The following LIG3 variants were observed in gnomAD, a reference collection of about 807,000 sequenced individuals.
LIG3 encodes the protein ligase II, DNA, ATP-dependent.
In LIG3, 58 loss-of-function variants were observed where a neutral mutation model predicts 110.9. The observed-to-expected ratio is 0.52, with a 90% CI of 0.42 to 0.65. LIG3 has a LOEUF of 0.65. Among genes scored for constraint, LIG3 ranks in the 30% least tolerant of loss-of-function variants. The pLI is 0.00. For missense variants in LIG3, 1,094 were observed against 1,273.8 expected, an observed-to-expected ratio of 0.86 and a Z score of 2.15; for synonymous variants, 422 against 472.8, an observed-to-expected ratio of 0.89 and a Z score of 1.39.
Position 34,997,749 on chromosome 17 carries a change from A to T in LIG3, c.1835A>T (p.Glu612Val), listed in dbSNP as rs201705066. The change falls in exon 12 of 20, where the codon GAG becomes GTG. Residue 612 changes from glutamate to valine, a missense_variant. By Grantham distance (121) the Glu-to-Val change is moderately radical. Transcript: ENST00000378526. The part of the protein sequence containing the change: ...DVSLMDRPLC[E>V]RRKFLHDNMV... ...CCTGTTCTCCTCAGACCTCTGTGTG[A>T]GCGGCGGAAGTTTCTTCATGACAAC... is the stretch of plus-strand genomic sequence containing the variant. 211 of 1,613,782 alleles carry T rather than the reference A, an allele frequency of 1.3e-4. No homozygotes were observed. The highest frequency in any genetic ancestry group is 1.6e-4 in the Non-Finnish European group (191 of 1,179,806).
chr17:34,987,811 C>A (rs1374441699), intron 3 of LIG3, among the ~76,000 whole-genome samples: 1 of 152,292 alleles, frequency 6.6e-6, no homozygotes, highest in Admixed American at 6.5e-5. Context: ...CATCATATCT[C>A]CATGCCTCAT....
chr17:34,982,855 G>A (rs2090613126), intron 1 of LIG3, 147 bp from the exon 2 acceptor site: 6 of 589,752 alleles, frequency 1.0e-5, no homozygotes, highest in Non-Finnish European at 1.7e-5. Context: ...CTTTCATGCT[G>A]TAGAGTAGAC....
Position 35,005,967 on chromosome 17 carries a change from T to C in LIG3, c.*1461T>C, listed in dbSNP as rs2090892863. The C allele has an allele frequency of 1.4e-5, 4 of 285,634 alleles. No individual in the cohort carries two copies. The highest frequency in any genetic ancestry group is 7.0e-5 in the South Asian group (2 of 28,498). The allele number at this position is 285,634 out of a possible 1,614,324, so 17.7% of individuals were successfully genotyped here. On this transcript the variant is annotated 3_prime_UTR_variant, in exon 20 of 20. Transcript: ENST00000378526. ...TATTTTTTTTTTTCCTGCTGACCTA[T>C]TGATAATACCAACAATGTTGAGTGG...
chr17:35,000,767 C>A (rs535720602), intron 16 of LIG3, among the ~76,000 whole-genome samples: 1 of 151,544 alleles, frequency 6.6e-6, no homozygotes, highest in African/African-American at 2.4e-5. Flanking sequence ...AGGGGTGCCA[C>A]CACCCCCAGC....
At position 34,986,117 on chromosome 17, in the gene LIG3, T is replaced by A; in HGVS notation, c.677T>A (p.Phe226Tyr). Reference protein sequence around the residue: ...SFVTSTNPRKFSGFSAKPNNS... With the variant: ...SFVTSTNPRKYSGFSAKPNNS... The stretch of plus-strand genomic sequence containing the variant: ...GTCACCAGTACCAATCCCCGGAAAT[T>A]TTCTGGCTTTTCAGGTAAGATAGGT... Residue 226 changes from phenylalanine to tyrosine, a missense_variant, in exon 3 of 20, where the codon TTT (phenylalanine) becomes TAT (tyrosine). Phe to Tyr is a conservative substitution (Grantham distance 22). Transcript: ENST00000378526. 6.2e-7 allele frequency: 1 copy of A among 1,614,028 alleles called. No individual in the cohort carries two copies. The highest frequency in any genetic ancestry group is 1.1e-5 in the South Asian group (1 of 91,072).
rs1175189869 is a variant in LIG3, at chr17:34,983,326, A to G, written c.321A>G (p.Lys107=). 1.2e-6 allele frequency: 2 copies of G among 1,614,140 alleles called. No individual in the cohort carries two copies. Among genetic ancestry groups the G allele is most frequent in the South Asian group, 1.1e-5 (1 of 91,094 alleles). The part of the protein sequence containing the change: ...YAKRGTAGCK[K]CKEKIVKGVC... ...AGCGTGGCACAGCTGGCTGCAAAAA[A>G]TGCAAGGAAAAGATTGTGAAGGGCG... Residue 107 remains lysine, a synonymous_variant, in exon 2 of 20, where the codon AAA becomes AAG. Transcript: ENST00000378526.
intron 3 of LIG3, among the ~76,000 whole-genome samples, chr17:34,986,785 G>C (rs906916562): frequency 4.6e-5 from 7 of 152,178 alleles, no homozygotes; most frequent in African/African-American, 1.7e-4. Context: ...AAAGAATTTT[G>C]AGAAATTGTT....
intron 3 of LIG3, among the ~76,000 whole-genome samples, chr17:34,988,381 T>C (rs1455323559): frequency 2.6e-5 from 4 of 152,182 alleles, no homozygotes; most frequent in African/African-American, 7.2e-5. Context: ...TGGTTGAACA[T>C]TGACACTTTG....
chr17:34,998,388 G>A, intron 13 of LIG3, 92 bp downstream of exon 13: 1 of 1,240,026 alleles, frequency 8.1e-7, no homozygotes, highest in Non-Finnish European at 1.1e-6. Flanking sequence ...GGCGGTGGCA[G>A]CCTGCAGTGG....
chr17:35,003,194 C>A (rs1189506469), intron 19 of LIG3: 2 of 1,494,426 alleles, frequency 1.3e-6, no homozygotes, highest in Non-Finnish European at 1.8e-6. Context: ...GTCCAGCAAG[C>A]AGCGAGTCGG....
chr17:34,988,190 CAAAAAAA>C (rs555462146), intron 3 of LIG3, among the ~76,000 whole-genome samples: 47 of 45,708 alleles, frequency 1.0e-3, no homozygotes, highest in Middle Eastern at 0.011. Flanking sequence ...GACTCTGTCT[CAAAAAAA>C]AAAAAAAAAA....
chr17:34,997,707 G>A (rs781300512), intron 11 of LIG3, 31 bp from the exon 12 acceptor site: 12 of 1,529,758 alleles, frequency 7.8e-6, no homozygotes, highest in Admixed American at 1.7e-5. Context: ...GGAGGATCCC[G>A]GCCTAACCTC....
chr17:34,989,358 G>T, intron 3 of LIG3, 108 bp from the exon 4 acceptor site: 1 of 985,130 alleles, frequency 1.0e-6, no homozygotes, highest in Non-Finnish European at 1.5e-6. Context: ...TCTATTCGGG[G>T]AGATTAAATA....
chr17:34,982,232 A>G (rs2090603601), intron 1 of LIG3, among the ~76,000 whole-genome samples: 1 of 152,220 alleles, frequency 6.6e-6, no homozygotes, highest in South Asian at 2.1e-4. Context: ...GTCTCTCAAT[A>G]TAGGGATTCT....
Position 34,994,282 on chromosome 17 carries a change from G to A in LIG3, c.1462G>A (p.Ala488Thr). ...MTPVQPMLAE[A>T]CKSVEYAMKK... is the part of the protein sequence containing the mutation. ...TTGCTTTCCCCACCCCAAGGCGGAG[G>A]CCTGCAAGTCCGTTGAGTATGCAAT... The change falls in exon 9 of 20, where the codon GCC becomes ACC. Residue 488 changes from alanine to threonine, a missense_variant. Physicochemically the swap from Ala to Thr is moderately conservative, Grantham distance 58. Transcript: ENST00000378526. The A allele has an allele frequency of 1.2e-6, 2 of 1,612,040 alleles. No homozygotes were observed. The highest frequency in any genetic ancestry group is 1.7e-6 in the Non-Finnish European group (2 of 1,179,516).
At position 34,984,117 on chromosome 17, in the gene LIG3, G is replaced by A. The variant is rs370484031; in HGVS notation, c.547+565G>A. On this transcript the variant is annotated intron_variant, in intron 2 of 19. Transcript: ENST00000378526. ...CATCTTCAGAAAATTTGTCCTTGAT[G>A]TAATACTTAAATCTACCATCTGTAT... Among the ~76,000 whole-genome samples, 217 of 152,252 alleles carry A rather than the reference G, an allele frequency of 1.4e-3. 1 individual carries two copies. The highest frequency in any genetic ancestry group is 5.2e-3 in the African/African-American group (214 of 41,550).
rs1041582165 is a variant in LIG3 at position 34,997,640 on chromosome 17, T to G, written c.1824-98T>G. ...CTTTGATCCATGGCAAACCCTTTCT[T>G]GAAGTAGCAGTTTTATCATTGTGGC... is the stretch of plus-strand genomic sequence containing the variant. On this transcript the variant is annotated intron_variant, in intron 11 of 19. Transcript: ENST00000378526. 7 of 869,668 alleles carry G rather than the reference T, an allele frequency of 8.0e-6. No homozygotes were observed. In the African/African-American group the frequency reaches 1.2e-4, roughly 14 times the overall value. 53.9% of individuals were successfully genotyped at this position (869,668 alleles called of 1,614,324 possible). A position where few individuals can be genotyped will look rare whatever the true frequency, so the allele number is the denominator to read the frequency against.
At chr17:35,000,018 G>A (rs1282308811) in intron 16 of LIG3, among the ~76,000 whole-genome samples, 162 bp downstream of exon 16, 6 of 152,158 alleles carry the variant, frequency 3.9e-5, no homozygotes, top group Non-Finnish European at 8.8e-5. Flanking sequence ...CAACTCTGAG[G>A]AATTTTGAAT....
At chr17:34,980,750 C>T (rs2090576283) in intron 1 of LIG3, 128 bp downstream of exon 1, 3 of 370,682 alleles carry the variant, frequency 8.1e-6, no homozygotes, top group Middle Eastern at 1.3e-3. Context: ...GCCTGCGGAG[C>T]CCCGGGGCAC....
Sources: allele counts gnomAD v4.1 joint callset (sites outside exome capture counted in the v4.1 genomes callset), GRCh38; gene constraint gnomAD v4.1.1; transcripts MANE v1.5; gene names NCBI Gene and HGNC (gene_info 2026-07-23, HGNC 2026-07-21).